The following PEA15 variants were observed in gnomAD, a reference collection of about 807,000 sequenced individuals.
PEA15 encodes astrocytic phosphoprotein PEA-15.
For missense variants in PEA15, 77 were observed against 161.3 expected, an observed-to-expected ratio of 0.48 and a Z score of 2.83; for synonymous variants, 60 against 61.8, an observed-to-expected ratio of 0.97 and a Z score of 0.13.
intron 1 of PEA15, among the ~76,000 whole-genome samples, chr1:160,210,802 G>A (rs74123301): frequency 0.016 from 2,404 of 152,334 alleles, 63 homozygotes; most frequent in African/African-American, 0.049. Flanking sequence ...AGCACAAAGG[G>A]TAGGAGAGAG....
Position 160,205,767 on chromosome 1 carries a change from G to C in PEA15, c.-3+245G>C, listed in dbSNP as rs1654550298. On this transcript the variant is annotated intron_variant, in intron 1 of 3. Coordinates refer to ENST00000360472, the MANE Select transcript of PEA15 (RefSeq NM_003768.5). This position sits in a 1 kb window ranked among gnomAD's most constrained non-coding sequence, Gnocchi z 5.9. ...ACGCTGAACGGCAGTTTGGGAGTCGGACCGGGGCCTGTGGATTAGGATGCA... is the reference window on the plus strand; with the variant it reads ...ACGCTGAACGGCAGTTTGGGAGTCGCACCGGGGCCTGTGGATTAGGATGCA... 1 of 152,202 alleles carries C rather than the reference G, an allele frequency of 6.6e-6. No individual in the cohort carries two copies. Among genetic ancestry groups the C allele is most frequent in the Admixed American group, 6.5e-5 (1 of 15,278 alleles). The allele number at this position is 152,202 out of a possible 1,614,324, so 9.4% of individuals were successfully genotyped here. A position where few individuals can be genotyped will look rare whatever the true frequency, so the allele number is the denominator to read the frequency against.
intron 1 of PEA15, 74 bp from the exon 2 acceptor site, chr1:160,211,469 G>T: frequency 6.8e-7 from 1 of 1,471,068 alleles, no homozygotes; most frequent in South Asian, 1.4e-5. Context: ...GGAGTAGGAG[G>T]GTAGTGCCAG....
intron 1 of PEA15, 171 bp from the exon 2 acceptor site, chr1:160,211,372 G>GCCTCCCCTAGGTCTT (rs1654871317): frequency 3.9e-6 from 5 of 1,298,360 alleles, no homozygotes; most frequent in Non-Finnish European, 5.0e-6. Context: ...TACCCTGACT[G>GCCTCCCCTAGGTCTT]CCTCCCCTAG....
chr1:160,210,654 AG>A (rs1297715833), intron 1 of PEA15, among the ~76,000 whole-genome samples: 3 of 152,058 alleles, frequency 2.0e-5, no homozygotes, highest in African/African-American at 4.8e-5. Flanking sequence ...CGATACGAGA[AG>A]GGGGGGCAGT....
rs201259449 is a variant in PEA15 at position 160,211,570 on chromosome 1, A to G, written c.26A>G (p.Gln9Arg). 322 of 1,613,580 alleles carry G rather than the reference A, an allele frequency of 2.0e-4. No individual in the cohort carries two copies. Among genetic ancestry groups the G allele is most frequent in the Non-Finnish European group, 2.5e-4 (298 of 1,179,726 alleles). Residue 9 changes from glutamine (Q) to arginine (R), a missense_variant, in exon 2 of 4, where the codon CAA (glutamine) becomes CGA (arginine). Gln to Arg is a conservative substitution (Grantham distance 43). Coordinates refer to ENST00000360472, the MANE Select transcript of PEA15 (RefSeq NM_003768.5). MAEYGTLL[Q>R]DLTNNITLED... ...ATGGCTGAGTACGGGACCCTCCTGC[A>G]AGACCTGACCAACAACATCACCCTT...
At position 160,213,639 on chromosome 1, in the gene PEA15, C is replaced by T. The variant is rs1386576818; in HGVS notation, c.*153C>T. 1.7e-5 allele frequency: 7 copies of T among 420,804 alleles called. No individual in the cohort carries two copies. The highest frequency in any genetic ancestry group is 6.3e-5 in the East Asian group (1 of 15,920). The allele number at this position is 420,804 out of a possible 1,614,324, so 26.1% of individuals were successfully genotyped here. ...GTGCGCGTGTGTGTGCGTGTGCGCA[C>T]GCTCTGGCTGTTTGTCTATATGTCT... is the stretch of plus-strand genomic sequence containing the variant. On this transcript the variant is annotated 3_prime_UTR_variant, in exon 4 of 4. Transcript: ENST00000360472. This position sits in a 1 kb window ranked among gnomAD's most constrained non-coding sequence, Gnocchi z 5.3.
Position 160,214,767 on chromosome 1 carries a change from C to T in PEA15, c.*1281C>T, listed in dbSNP as rs960324661. ...TACATAGTCCAAACAAAAAAGAAGG[C>T]TTTTTCAAAAAACATTAAATTCACA... On this transcript the variant is annotated 3_prime_UTR_variant, in exon 4 of 4. Coordinates refer to ENST00000360472, the MANE Select transcript of PEA15 (RefSeq NM_003768.5). 1.3e-5 allele frequency: 2 copies of T among 152,512 alleles called. No homozygotes were observed. Among genetic ancestry groups the T allele is most frequent in the African/African-American group, 4.8e-5 (2 of 41,426 alleles). 9.4% of individuals were successfully genotyped at this position (152,512 alleles called of 1,614,324 possible).
chr1:160,209,585 CAA>C (rs1654779143), intron 1 of PEA15, among the ~76,000 whole-genome samples: 1 of 152,162 alleles, frequency 6.6e-6, no homozygotes, highest in South Asian at 2.1e-4. Flanking sequence ...GTAATATTTA[CAA>C]ACTCTCCTTC....
At chr1:160,211,281 G>A (rs959676702) in intron 1 of PEA15, 2 of 1,149,876 alleles carry the variant, frequency 1.7e-6, no homozygotes, top group Non-Finnish European at 1.1e-6. Flanking sequence ...GTTAGAGGGG[G>A]AAAACAGAAG....
chr1:160,211,377 C>T, intron 1 of PEA15, 166 bp from the exon 2 acceptor site: 1 of 1,316,442 alleles, frequency 7.6e-7, no homozygotes, highest in Non-Finnish European at 9.9e-7. Flanking sequence ...TGACTGCCTC[C>T]CCTAGGTCTT....
rs370156262 is a variant in PEA15 at position 160,208,242 on chromosome 1, T to A, written c.-3+2720T>A. On this transcript the variant is annotated intron_variant, in intron 1 of 3. Transcript: ENST00000360472. This position sits in a 1 kb window ranked among gnomAD's most constrained non-coding sequence, Gnocchi z 4.1. ...CCTGTCCCACCCTAAAAGGTCAGTA[T>A]ATAATGGTCCTTACCTCCTGCCCCT... The A allele has an allele frequency of 6.5e-5, 18 of 275,918 alleles. No individual in the cohort carries two copies. The highest frequency in any genetic ancestry group is 3.3e-4 in the East Asian group (4 of 12,166). The allele number at this position is 275,918 out of a possible 1,614,324, so 17.1% of individuals were successfully genotyped here.
At position 160,213,304 on chromosome 1, in the gene PEA15, C is replaced by T. The variant is rs1557823831; in HGVS notation, c.328+39C>T. 6.2e-7 allele frequency: 1 copy of T among 1,613,880 alleles called. No individual in the cohort carries two copies. Among genetic ancestry groups the T allele is most frequent in the Non-Finnish European group, 8.5e-7 (1 of 1,179,770 alleles). ...CCTTTAACTAGCTGCACCTCTGCCT[C>T]GTCCCGTTGACTATCCTTGGAGTAC... On this transcript the variant is annotated intron_variant, in intron 3 of 3. Coordinates refer to ENST00000360472, the MANE Select transcript of PEA15 (RefSeq NM_003768.5). The surrounding 1 kb of genome is among the most constrained non-coding windows in gnomAD (Gnocchi z 5.3).
intron 1 of PEA15, 80 bp from the exon 2 acceptor site, chr1:160,211,463 T>C (rs1448034481): frequency 1.4e-6 from 2 of 1,443,258 alleles, no homozygotes; most frequent in African/African-American, 1.4e-5. Context: ...GAGTGGGGAG[T>C]AGGAGGGTAG....
chr1:160,207,433 C>A (rs879520657), intron 1 of PEA15, among the ~76,000 whole-genome samples: 6 of 152,190 alleles, frequency 3.9e-5, no homozygotes, highest in Non-Finnish European at 7.3e-5. Context: ...TTCCCCTCCT[C>A]GCCATCAGCC....
At chr1:160,207,332 G>A (rs1230248196) in intron 1 of PEA15, 1 of 152,422 alleles carries the variant, frequency 6.6e-6, no homozygotes, top group Non-Finnish European at 1.5e-5. Flanking sequence ...GACAAAGAGT[G>A]AGAGAGATGG....
At chr1:160,206,632 G>A (rs1557819799) in intron 1 of PEA15, among the ~76,000 whole-genome samples, 1 of 152,076 alleles carries the variant, frequency 6.6e-6, no homozygotes, top group Non-Finnish European at 1.5e-5. Context: ...GAGAATGAGA[G>A]GAATGTGTGT....
chr1:160,213,647 C>T lies in PEA15; in HGVS notation c.*161C>T. On this transcript the variant is annotated 3_prime_UTR_variant, in exon 4 of 4. Transcript: ENST00000360472. The surrounding 1 kb of genome is among the most constrained non-coding windows in gnomAD (Gnocchi z 5.3). ...GTGTGTGCGTGTGCGCACGCTCTGG[C>T]TGTTTGTCTATATGTCTAGCTCATC... The T allele has an allele frequency of 3.0e-5, 11 of 372,356 alleles. No homozygotes were observed. The highest frequency in any genetic ancestry group is 7.9e-4 in the Middle Eastern group (1 of 1,264). 23.1% of individuals were successfully genotyped at this position (372,356 alleles called of 1,614,324 possible).
chr1:160,211,317 A>C, intron 1 of PEA15: 1 of 1,225,386 alleles, frequency 8.2e-7, no homozygotes, highest in Non-Finnish European at 1.0e-6. Flanking sequence ...GGAAGGAGGT[A>C]TGACTTGTCA....
chr1:160,210,791 C>T (rs1388937236), intron 1 of PEA15, among the ~76,000 whole-genome samples: 1 of 152,176 alleles, frequency 6.6e-6, no homozygotes, highest in Non-Finnish European at 1.5e-5. Context: ...GCTGCAGGCA[C>T]AGCACAAAGG....
Sources: allele counts gnomAD v4.1 joint callset (sites outside exome capture counted in the v4.1 genomes callset), GRCh38; gene constraint gnomAD v4.1.1; non-coding constraint Gnocchi (gnomAD v3.1); transcripts MANE v1.5; gene names NCBI Gene and HGNC (gene_info 2026-07-23, HGNC 2026-07-21).